Variants in PTPRD observed in about 807,000 individuals in gnomAD.
The protein encoded by PTPRD is receptor-type tyrosine-protein phosphatase delta.
A neutral mutation model predicts 214.5 loss-of-function variants in PTPRD; 34 were observed. The ratio of observed to expected loss-of-function variants is 0.16; its 90% CI spans 0.12 to 0.21. The LOEUF (loss-of-function observed/expected upper bound fraction) is 0.21, where lower values mean the gene tolerates loss of function less well. Ranked by LOEUF, PTPRD falls within the 10% of genes least tolerant of loss-of-function variation. PTPRD has a pLI of 1.00. For synonymous variants in PTPRD, 1,128 were observed against 845.7 expected (o/e 1.33, Z -5.79); for missense variants, 2,545 against 2,398.7 (o/e 1.06, Z -1.27).
At chr9:9,201,159 C>T (rs2099941620) in intron 9 of PTPRD, among the ~76,000 whole-genome samples, 1 of 151,870 alleles carries the variant, frequency 6.6e-6, no homozygotes, top group Admixed American at 6.6e-5. Flanking sequence ...TTTTTGTAAG[C>T]AACATACAAA....
intron 5 of PTPRD, among the ~76,000 whole-genome samples, chr9:9,918,370 A>C (rs1174291638): frequency 4.2e-5 from 6 of 142,572 alleles, no homozygotes; most frequent in Non-Finnish European, 7.7e-5. Context: ...AAAAAAAAAA[A>C]CTCCACAATG....
At chr9:9,583,508 G>C (rs183679978) in intron 7 of PTPRD, among the ~76,000 whole-genome samples, 1,630 of 152,096 alleles carry the variant, frequency 0.011, 17 homozygotes, top group Non-Finnish European at 0.016. Context: ...TTGACAATGA[G>C]CCAAACTAAT....
chr9:10,604,995 T>C (rs2078931573), intron 2 of PTPRD, among the ~76,000 whole-genome samples: 1 of 151,846 alleles, frequency 6.6e-6, no homozygotes, highest in Non-Finnish European at 1.5e-5. Flanking sequence ...TCTTCAAACT[T>C]AAGTCATAGA....
At chr9:9,882,019 C>T (rs1160694994) in intron 5 of PTPRD, among the ~76,000 whole-genome samples, 1 of 152,050 alleles carries the variant, frequency 6.6e-6, no homozygotes, top group Admixed American at 6.6e-5. Context: ...TATAGTGTAA[C>T]ACTTTGCAAG....
chr9:9,237,634 T>C (rs1295794282), intron 9 of PTPRD, among the ~76,000 whole-genome samples: 2 of 152,136 alleles, frequency 1.3e-5, no homozygotes, highest in African/African-American at 4.8e-5. Context: ...AGATTTGCAA[T>C]AATTTTTTTT....
At chr9:10,597,516 G>C (rs2076894918) in intron 2 of PTPRD, among the ~76,000 whole-genome samples, 1 of 151,706 alleles carries the variant, frequency 6.6e-6, no homozygotes, top group Non-Finnish European at 1.5e-5. Flanking sequence ...AAATGCAGTT[G>C]GGCTTCATTT....
At chr9:10,415,326 G>A (rs899285444) in intron 2 of PTPRD, among the ~76,000 whole-genome samples, 1 of 151,586 alleles carries the variant, frequency 6.6e-6, no homozygotes, top group African/African-American at 2.4e-5. Context: ...ACATATATAT[G>A]TACAAACATA....
intron 5 of PTPRD, among the ~76,000 whole-genome samples, chr9:9,771,342 A>G (rs140301738): frequency 2.7e-4 from 41 of 152,314 alleles, no homozygotes; most frequent in Non-Finnish European, 5.0e-4. Flanking sequence ...TTTAAAAAAC[A>G]TATTTCCAAA....
chr9:9,993,321 G>A (rs1031070112), intron 4 of PTPRD, among the ~76,000 whole-genome samples: 1 of 152,092 alleles, frequency 6.6e-6, no homozygotes, highest in African/African-American at 2.4e-5. Context: ...AAGAGCAAAC[G>A]ATAAACATGT....
chr9:10,264,579 C>G (rs1341552410), intron 3 of PTPRD, among the ~76,000 whole-genome samples: 1 of 152,130 alleles, frequency 6.6e-6, no homozygotes, highest in African/African-American at 2.4e-5. Flanking sequence ...ATGCCTGTAC[C>G]CCCATTGTAT....
chr9:8,694,607 T>C (rs967099788), intron 12 of PTPRD, among the ~76,000 whole-genome samples: 4 of 152,198 alleles, frequency 2.6e-5, no homozygotes, highest in African/African-American at 9.7e-5. Context: ...AAAACACTTG[T>C]TTTCTGCATA....
intron 13 of PTPRD, among the ~76,000 whole-genome samples, chr9:8,636,255 G>C (rs1462985593): frequency 6.6e-6 from 1 of 152,160 alleles, no homozygotes; most frequent in African/African-American, 2.4e-5. Flanking sequence ...CTCATTCCCA[G>C]AACAGAGGTA....
chr9:10,477,830 G>A (rs2099073154), intron 2 of PTPRD, among the ~76,000 whole-genome samples: 1 of 152,114 alleles, frequency 6.6e-6, no homozygotes, highest in Admixed American at 6.6e-5. Context: ...GTCCTTTGCA[G>A]TAACATGGAT....
chr9:10,182,606 A>G (rs949677701), intron 3 of PTPRD, among the ~76,000 whole-genome samples: 5 of 152,210 alleles, frequency 3.3e-5, no homozygotes, highest in Admixed American at 2.6e-4. Context: ...CCAAAATGAC[A>G]AGTAAGTATT....
rs747641694 is a variant in PTPRD, at chr9:8,375,970, G to A, written c.4627C>T (p.Pro1543Ser). The A allele has an allele frequency of 1.1e-5, 17 of 1,612,684 alleles. No homozygotes were observed. Among genetic ancestry groups the A allele is most frequent in the Non-Finnish European group, 1.4e-5 (17 of 1,179,206 alleles). Residue 1543 changes from proline to serine, a missense_variant, in exon 39 of 46, where the codon CCT (proline) becomes TCT (serine). Physicochemically the swap from Pro to Ser is moderately conservative, Grantham distance 74 (BLOSUM62 -1). Coordinates refer to ENST00000381196, the MANE Select transcript of PTPRD (RefSeq NM_002839.4). ...AFLRRVKTCN[P>S]PDAGPMVVHC... ...ACAACCATCGGACCAGCATCGGGAG[G>A]GTTACAGGTTTTGACTCTACGTAAG... is the stretch of plus-strand genomic sequence containing the variant.
intron 2 of PTPRD, among the ~76,000 whole-genome samples, chr9:10,459,917 T>C (rs2098946159): frequency 6.6e-6 from 1 of 151,950 alleles, no homozygotes; most frequent in Non-Finnish European, 1.5e-5. Context: ...AAATATTAAC[T>C]GCACTTTTTC....
intron 11 of PTPRD, among the ~76,000 whole-genome samples, chr9:8,871,717 G>A (rs1429221288): frequency 6.6e-6 from 1 of 152,082 alleles, no homozygotes; most frequent in Non-Finnish European, 1.5e-5. Context: ...CAATGAGAAA[G>A]ACTCCAACGT....
chr9:9,024,348 G>GTTTTTTTTTTTTTT (rs752607769), intron 10 of PTPRD, among the ~76,000 whole-genome samples: 59 of 64,120 alleles, frequency 9.2e-4, no homozygotes, highest in African/African-American at 1.3e-3. Flanking sequence ...GTTTTTTTTT[G>GTTTTTTTTTTTTTT]TTTGTTTTTT....
intron 5 of PTPRD, among the ~76,000 whole-genome samples, chr9:9,804,079 C>T (rs2099058593): frequency 1.3e-5 from 2 of 151,950 alleles, no homozygotes; most frequent in African/African-American, 4.8e-5. Flanking sequence ...TTTTAATACA[C>T]AAAGATTATC....
Sources: allele counts gnomAD v4.1 joint callset (sites outside exome capture counted in the v4.1 genomes callset), GRCh38; gene constraint gnomAD v4.1.1; transcripts MANE v1.5; gene names NCBI Gene and HGNC (gene_info 2026-07-23, HGNC 2026-07-21).